RASAL1: variants seen among roughly 807,000 people sequenced by gnomAD.
RASAL1 encodes the protein RAS protein activator like 1, also known as rasGAP-activating-like protein 1.
RASAL1 carries 72 observed loss-of-function variants against 96.6 expected under a neutral mutation model. The observed-to-expected ratio is 0.75, with a 90% CI of 0.62 to 0.91. The LOEUF is 0.91. Ranked by LOEUF, RASAL1 falls within the 40% of genes least tolerant of loss-of-function variation. The pLI is 0.00. For missense variants in RASAL1, 1,016 were observed against 1,072.5 expected (o/e 0.95, Z 0.74); for synonymous variants, 405 against 430.4 (o/e 0.94, Z 0.73).
In RASAL1 at chr12:113,115,739, T is replaced by TC. The variant is rs1951053255; in HGVS notation, c.898dup (p.Asp300GlyfsTer31). On this transcript the variant is annotated frameshift_variant, in exon 10 of 21. Coordinates refer to ENST00000548055, the MANE Select transcript of RASAL1 (RefSeq NM_001301202.2). LOFTEE classifies it high-confidence loss of function. The surrounding 1 kb of genome is among the most constrained non-coding windows in gnomAD (Gnocchi z 4.1). ...CTTGGTGGCAAGGTCCTGGCGGCAGTCCCCCAAGGTCAGCTCTTCCAGCAA... is the reference window on the plus strand; with the variant it reads ...CTTGGTGGCAAGGTCCTGGCGGCAGTCCCCCCAAGGTCAGCTCTTCCAGCAA... 1.2e-6 allele frequency: 2 copies of TC among 1,613,216 alleles called. No individual in the cohort carries two copies. Among genetic ancestry groups the TC allele is most frequent in the African/African-American group, 1.3e-5 (1 of 74,516 alleles).
intron 4 of RASAL1, among the ~76,000 whole-genome samples, chr12:113,122,314 T>C (rs1425936385): frequency 6.6e-6 from 1 of 152,190 alleles, no homozygotes; most frequent in Admixed American, 6.5e-5. Context: ...CCCTCTGTAT[T>C]TCTCTCAACA....
intron 8 of RASAL1, 91 bp from the exon 9 acceptor site, chr12:113,116,142 G>C: frequency 4.7e-6 from 5 of 1,061,210 alleles, no homozygotes; most frequent in Non-Finnish European, 6.7e-6. Context: ...GGCCAAGGTG[G>C]GCAGATCACT....
chr12:113,119,486 A>T (rs1414191892), intron 5 of RASAL1, 43 bp from the exon 6 acceptor site: 3 of 1,554,092 alleles, frequency 1.9e-6, no homozygotes, highest in Non-Finnish European at 2.6e-6. Context: ...ACGGCACCCA[A>T]GTTGGGCCTT....
chr12:113,104,373 G>T, intron 16 of RASAL1, 75 bp from the exon 17 acceptor site: 1 of 1,411,928 alleles, frequency 7.1e-7, no homozygotes, highest in Non-Finnish European at 9.7e-7. Context: ...GTCTGGTTGT[G>T]TGCAGCAGGT....
Position 113,130,952 on chromosome 12 carries a change from AG to A in RASAL1, c.66-12del. The stretch of plus-strand genomic sequence containing the variant: ...TCGCTGCTCCCAGACCTGCAGAAGG[AG>A]GGAGTTCAGGGAGGAAGCAGGTTGA... On this transcript the variant is annotated splice_polypyrimidine_tract_variant and intron_variant, in intron 1 of 20. Transcript: ENST00000548055. The surrounding 1 kb of genome is among the most constrained non-coding windows in gnomAD (Gnocchi z 5.1). The A allele has an allele frequency of 6.2e-7, 1 of 1,610,450 alleles. No homozygotes were observed. Among genetic ancestry groups the A allele is most frequent in the African/African-American group, 1.3e-5 (1 of 74,852 alleles).
chr12:113,108,251 G>GC, intron 13 of RASAL1, 29 bp from the exon 14 acceptor site: 1 of 1,597,234 alleles, frequency 6.3e-7, no homozygotes, highest in East Asian at 2.3e-5. Flanking sequence ...GGTAAGAGGA[G>GC]CCCCCCAAAC....
chr12:113,133,236 G>C (rs1029881328), intron 1 of RASAL1, among the ~76,000 whole-genome samples: 7 of 152,218 alleles, frequency 4.6e-5, no homozygotes, highest in Admixed American at 2.6e-4. Flanking sequence ...GTGGCAAGAG[G>C]GGGTGGCTGC....
At chr12:113,128,972 GACACACACACACACAC>G (rs35122341) in intron 2 of RASAL1, among the ~76,000 whole-genome samples, 1 of 142,750 alleles carries the variant, frequency 7.0e-6, no homozygotes, top group Non-Finnish European at 1.6e-5. Context: ...CACAGTCACT[GACACACACACACACAC>G]ACACACACAC....
rs762139624 is a variant in RASAL1, at chr12:113,115,208, A to G, written c.1060T>C (p.Phe354Leu). ...GGCCTTCACCTACTCACCTTCATAA[A>G]CTGTTCCATCGACTTGGATGCCAGG... is the stretch of plus-strand genomic sequence containing the variant. Reference protein sequence around the residue: ...NSLASKSMEQFMKLVGMPYLH... With the variant: ...NSLASKSMEQLMKLVGMPYLH... Residue 354 changes from phenylalanine to leucine, a missense_variant, in exon 11 of 21, where the codon TTT (phenylalanine) becomes CTT (leucine). By Grantham distance (22) the Phe-to-Leu change is conservative. Transcript: ENST00000548055. The surrounding 1 kb of genome is among the most constrained non-coding windows in gnomAD (Gnocchi z 4.1). The G allele has an allele frequency of 5.6e-6, 9 of 1,613,298 alleles. No homozygotes were observed. Among genetic ancestry groups the G allele is most frequent in the Admixed American group, 5.0e-5 (3 of 60,006 alleles).
At chr12:113,124,959 T>C (rs1223902370) in intron 4 of RASAL1, among the ~76,000 whole-genome samples, 1 of 152,218 alleles carries the variant, frequency 6.6e-6, no homozygotes, top group Non-Finnish European at 1.5e-5. Context: ...TTAAATGTGT[T>C]TTTTGTTTAA....
intron 1 of RASAL1, among the ~76,000 whole-genome samples, chr12:113,131,761 C>T (rs1466478446): frequency 6.6e-6 from 1 of 152,142 alleles, no homozygotes; most frequent in Non-Finnish European, 1.5e-5. Context: ...CTTTGTCTTT[C>T]ATCAGGCCCC....
In RASAL1 at chr12:113,104,011, G is replaced by A. The variant is rs528745100; in HGVS notation, c.2039C>T (p.Ala680Val). Residue 680 changes from alanine to valine, a missense_variant, in exon 18 of 21, where the codon GCC becomes GTC. Physicochemically the swap from Ala to Val is moderately conservative, Grantham distance 64. Transcript: ENST00000548055. ...GCGGAAGGCACCGGGGTGGCAGGCG[G>A]CCAGCTTGTTCGGGTTGGGGGCGCT... is the stretch of plus-strand genomic sequence containing the variant. ...KASAPNPNKL[A>V]ACHPGAFRSA... 1.4e-5 allele frequency: 22 copies of A among 1,573,598 alleles called. No individual in the cohort carries two copies. Among genetic ancestry groups the A allele is most frequent in the Non-Finnish European group, 1.8e-5 (21 of 1,158,474 alleles).
chr12:113,099,849 C>A lies in RASAL1; in HGVS notation c.*80G>T. On this transcript the variant is annotated 3_prime_UTR_variant, in exon 21 of 21. Transcript: ENST00000548055. ...ACAGAATCAAAGAGGTCCAAGGAGACAGGAGACTCCCGGGGCAGGATGCGC... is the reference window on the plus strand; with the variant it reads ...ACAGAATCAAAGAGGTCCAAGGAGAAAGGAGACTCCCGGGGCAGGATGCGC... The A allele has an allele frequency of 6.5e-7, 1 of 1,527,814 alleles. No individual in the cohort carries two copies. Among genetic ancestry groups the A allele is most frequent in the South Asian group, 1.3e-5 (1 of 78,814 alleles). The allele number at this position is 1,527,814 out of a possible 1,614,324, so 94.6% of individuals were successfully genotyped here.
At chr12:113,104,457 G>A (rs1284817289) in intron 16 of RASAL1, among the ~76,000 whole-genome samples, 159 bp from the exon 17 acceptor site, 6 of 152,154 alleles carry the variant, frequency 3.9e-5, no homozygotes. Flanking sequence ...CCATCCATGT[G>A]AGCTGTTCCA....
upstream of RASAL1, among the ~76,000 whole-genome samples, chr12:113,136,481 G>T (rs947957287): frequency 3.3e-5 from 5 of 152,194 alleles, no homozygotes; most frequent in African/African-American, 1.2e-4. Flanking sequence ...CGCAGTTTAT[G>T]GATAAAGAAA....
Position 113,100,002 on chromosome 12 carries a change from T to C in RASAL1, c.2345A>G (p.Asp782Gly). The C allele has an allele frequency of 1.2e-6, 2 of 1,613,792 alleles. No individual in the cohort carries two copies. Among genetic ancestry groups the C allele is most frequent in the Non-Finnish European group, 1.7e-6 (2 of 1,179,780 alleles). The change falls in exon 21 of 21, where the codon GAC becomes GGC. Residue 782 changes from aspartate (D) to glycine (G), a missense_variant. By Grantham distance (94) the Asp-to-Gly change is moderately conservative. Transcript: ENST00000548055. The part of the protein sequence containing the change: ...ATARLLEVLA[D>G]LDRAHEEFQQ... ...GAACTCCTCGTGGGCACGATCCAGG[T>C]CTGCGAGCACCTCCAGCAGGCGGGC... is the stretch of plus-strand genomic sequence containing the variant.
intron 14 of RASAL1, chr12:113,107,609 C>T (rs999307464): frequency 6.9e-6 from 3 of 436,084 alleles, no homozygotes; most frequent in South Asian, 3.5e-5. Context: ...GGTGACAGAG[C>T]GAGACTTGTC....
chr12:113,134,322 G>A (rs1483339025), intron 1 of RASAL1, among the ~76,000 whole-genome samples: 1 of 152,168 alleles, frequency 6.6e-6, no homozygotes, highest in African/African-American at 2.4e-5. Flanking sequence ...AATCAGGCAG[G>A]AAAGTCCTCT....
At position 113,104,307 on chromosome 12, in the gene RASAL1, G is replaced by T; in HGVS notation, c.1831-9C>A. On this transcript the variant is annotated splice_polypyrimidine_tract_variant and intron_variant, in intron 16 of 20. Coordinates refer to ENST00000548055, the MANE Select transcript of RASAL1 (RefSeq NM_001301202.2). ...GGGATGGAGTGACACATCTGGGGAAGAGGATTGTCGCTGCAGGATGGGCTG... is the reference window on the plus strand; with the variant it reads ...GGGATGGAGTGACACATCTGGGGAATAGGATTGTCGCTGCAGGATGGGCTG... The T allele has an allele frequency of 1.3e-6, 2 of 1,554,254 alleles. No individual in the cohort carries two copies. Among genetic ancestry groups the T allele is most frequent in the Non-Finnish European group, 1.7e-6 (2 of 1,147,616 alleles).
Sources: gnomAD v4.1 joint callset for allele counts (sites outside exome capture counted in the v4.1 genomes callset) on GRCh38, gnomAD v4.1.1 for gene constraint, Gnocchi (gnomAD v3.1) non-coding constraint, MANE v1.5 for transcripts, NCBI Gene and HGNC (gene_info 2026-07-23, HGNC 2026-07-21) for gene names.